Variants in GSPT1 observed in about 807,000 individuals in gnomAD.
The protein encoded by GSPT1 is G1 to S phase transition 1, also known as eukaryotic peptide chain release factor GTP-binding subunit ERF3A.
A neutral mutation model predicts 72.5 loss-of-function variants in GSPT1; 20 were observed. That is an observed-to-expected ratio of 0.28 (90% CI 0.19 to 0.40). GSPT1 has a LOEUF of 0.40. Ranked by LOEUF, GSPT1 falls within the 10% of genes least tolerant of loss-of-function variation. The probability of loss-of-function intolerance (pLI) is 1.00; values close to 1 mark genes in which losing one functional copy is unlikely to be tolerated. For missense variants in GSPT1, 580 were observed against 811.9 expected, an observed-to-expected ratio of 0.71 and a Z score of 3.47; for synonymous variants, 334 against 293.5, an observed-to-expected ratio of 1.14 and a Z score of -1.41.
intron 1 of GSPT1, among the ~76,000 whole-genome samples, chr16:11,908,031 C>T (rs1401355836): frequency 1.3e-5 from 2 of 151,908 alleles, no homozygotes; most frequent in Non-Finnish European, 2.9e-5. Context: ...CACTTGAGGT[C>T]AGGAGTGCGA....
In GSPT1 at chr16:11,886,558, T is replaced by C. The variant is rs373799715; in HGVS notation, c.1166A>G (p.Asn389Ser). The C allele has an allele frequency of 6.9e-5, 111 of 1,612,694 alleles. No individual in the cohort carries two copies. Among genetic ancestry groups the C allele is most frequent in the Middle Eastern group, 3.3e-4 (2 of 6,056 alleles). ...CATAAAGTGAATGTCCTTTTTGGGA[T>C]TGAAGCCAACTTTTTTCAAAAATGG... ...LVPFLKKVGFNPKKDIHFMPC... is the reference protein window; with the variant it reads ...LVPFLKKVGFSPKKDIHFMPC... Residue 389 changes from asparagine (N) to serine (S), a missense_variant, in exon 9 of 15, where the codon AAT (asparagine) becomes AGT (serine). Transcript: ENST00000434724.
intron 11 of GSPT1, among the ~76,000 whole-genome samples, chr16:11,882,761 T>A (rs1340141996): frequency 6.6e-6 from 1 of 151,720 alleles, no homozygotes; most frequent in Non-Finnish European, 1.5e-5. Context: ...TAGAGACTAG[T>A]CTGGTCAACA....
intron 11 of GSPT1, 29 bp downstream of exon 11, chr16:11,882,986 A>G: frequency 2.8e-6 from 4 of 1,410,954 alleles, no homozygotes; most frequent in Non-Finnish European, 4.0e-6. Flanking sequence ...ATCAATAAAT[A>G]GATAGGAAAC....
chr16:11,896,291 T>C (rs2054337629), intron 4 of GSPT1, among the ~76,000 whole-genome samples: 1 of 152,206 alleles, frequency 6.6e-6, no homozygotes, highest in South Asian at 2.1e-4. Context: ...TGAACTACCA[T>C]CAATGGTCAA....
At chr16:11,896,467 C>T (rs2054340301) in intron 4 of GSPT1, 91 bp downstream of exon 4, 2 of 756,590 alleles carry the variant, frequency 2.6e-6, no homozygotes, top group Admixed American at 3.0e-5. Flanking sequence ...AATTAATTTC[C>T]TTCAGTTTCA....
chr16:11,900,817 C>CCAACTAA (rs1252368949), intron 1 of GSPT1, among the ~76,000 whole-genome samples: 1 of 152,030 alleles, frequency 6.6e-6, no homozygotes, highest in East Asian at 1.9e-4. Flanking sequence ...GTTCCTGGCA[C>CCAACTAA]CAACTATTAG....
chr16:11,904,418 G>A (rs1271979139), intron 1 of GSPT1, among the ~76,000 whole-genome samples: 2 of 152,178 alleles, frequency 1.3e-5, no homozygotes, highest in East Asian at 1.9e-4. Context: ...TGGCCAGGAT[G>A]GTCTCGATCT....
chr16:11,905,458 A>G (rs987630760), intron 1 of GSPT1, among the ~76,000 whole-genome samples: 4 of 152,106 alleles, frequency 2.6e-5, no homozygotes, highest in Non-Finnish European at 5.9e-5. Flanking sequence ...CCCCATTTCT[A>G]TCCCATTCCC....
intron 4 of GSPT1, among the ~76,000 whole-genome samples, chr16:11,896,199 A>G (rs1028352980): frequency 5.3e-5 from 8 of 152,246 alleles, no homozygotes; most frequent in African/African-American, 1.9e-4. Context: ...TGGTAAGGTC[A>G]ATCCCATTAA....
chr16:11,875,594 G>A (rs2054038356), intron 14 of GSPT1, among the ~76,000 whole-genome samples, 167 bp downstream of exon 14: 1 of 152,028 alleles, frequency 6.6e-6, no homozygotes, highest in Admixed American at 6.6e-5. Flanking sequence ...TAAAGCACGT[G>A]GTCAATTCTG....
chr16:11,884,058 G>T (rs866124424), intron 10 of GSPT1, among the ~76,000 whole-genome samples: 2 of 152,222 alleles, frequency 1.3e-5, no homozygotes, highest in Middle Eastern at 3.4e-3. Context: ...AAGAAATTTA[G>T]AACGGAGCTA....
intron 14 of GSPT1, among the ~76,000 whole-genome samples, chr16:11,874,999 G>A (rs2054025293): frequency 6.6e-6 from 1 of 152,190 alleles, no homozygotes; most frequent in Admixed American, 6.5e-5. Flanking sequence ...AGACCATCCT[G>A]GCTAACGTGG....
At chr16:11,893,406 T>A (rs1406677024) in intron 5 of GSPT1, among the ~76,000 whole-genome samples, 1 of 152,038 alleles carries the variant, frequency 6.6e-6, no homozygotes, top group Non-Finnish European at 1.5e-5. Context: ...ATTACAGATA[T>A]GAGCCACCAT....
At chr16:11,904,620 C>T (rs1250935313) in intron 1 of GSPT1, among the ~76,000 whole-genome samples, 2 of 151,898 alleles carry the variant, frequency 1.3e-5, no homozygotes, top group Admixed American at 6.6e-5. Context: ...CCAGCATATC[C>T]TCACAGCATA....
At chr16:11,883,260 T>C (rs2054143751) in intron 10 of GSPT1, among the ~76,000 whole-genome samples, 165 bp from the exon 11 acceptor site, 1 of 151,924 alleles carries the variant, frequency 6.6e-6, no homozygotes, top group South Asian at 2.1e-4. Flanking sequence ...TCTATAATAA[T>C]TTGTGTCATA....
At chr16:11,901,619 A>AT (rs1229025624) in intron 1 of GSPT1, among the ~76,000 whole-genome samples, 5 of 119,494 alleles carry the variant, frequency 4.2e-5, no homozygotes, top group East Asian at 3.8e-4. Flanking sequence ...CCACACACAA[A>AT]AATATATATA....
intron 11 of GSPT1, among the ~76,000 whole-genome samples, chr16:11,880,920 A>G (rs1285279054): frequency 6.6e-6 from 1 of 152,184 alleles, no homozygotes; most frequent in Non-Finnish European, 1.5e-5. Context: ...GATATTTGAG[A>G]CGGAGTCTCG....
intron 1 of GSPT1, among the ~76,000 whole-genome samples, chr16:11,900,600 G>A (rs1190539054): frequency 6.6e-6 from 1 of 152,102 alleles, no homozygotes; most frequent in East Asian, 1.9e-4. Flanking sequence ...TCCAAGTTAT[G>A]CAAGTGCCAT....
chr16:11,888,853 C>G (rs2054217714), intron 6 of GSPT1, among the ~76,000 whole-genome samples: 1 of 152,180 alleles, frequency 6.6e-6, no homozygotes, highest in South Asian at 2.1e-4. Flanking sequence ...ATTATACCAT[C>G]TAGAACTTTA....
Sources: allele counts gnomAD v4.1 joint callset (sites outside exome capture counted in the v4.1 genomes callset), GRCh38; gene constraint gnomAD v4.1.1; transcripts MANE v1.5; gene names NCBI Gene and HGNC (gene_info 2026-07-23, HGNC 2026-07-21).